Variants in NRG3 observed in about 807,000 individuals in gnomAD.
NRG3 encodes pro-neuregulin-3, membrane-bound isoform.
Under a neutral mutation model 66.9 loss-of-function variants are expected in NRG3, and 31 were observed. The ratio of observed to expected loss-of-function variants is 0.46; its 90% CI spans 0.35 to 0.63. The LOEUF (loss-of-function observed/expected upper bound fraction) is 0.63, where lower values mean the gene tolerates loss of function less well. NRG3 is among the 20% of genes least tolerant of loss of function. NRG3 has a pLI of 0.00. For synonymous variants in NRG3, 393 were observed against 359.4 expected, an observed-to-expected ratio of 1.09 and a Z score of -1.06; for missense variants, 910 against 878.9, an observed-to-expected ratio of 1.04 and a Z score of -0.45.
intron 3 of NRG3, among the ~76,000 whole-genome samples, chr10:82,745,299 A>G (rs573592276): frequency 7.9e-5 from 12 of 152,290 alleles, no homozygotes; most frequent in African/African-American, 2.9e-4. Flanking sequence ...GAGGGTTGCA[A>G]CTTGGTCCTG....
intron 1 of NRG3, among the ~76,000 whole-genome samples, chr10:82,294,940 A>C (rs2079972452): frequency 6.6e-6 from 1 of 152,182 alleles, no homozygotes; most frequent in South Asian, 2.1e-4. Flanking sequence ...GCCCTGCATT[A>C]CTAAGAGCAA....
At chr10:82,347,533 T>G (rs1262896893) in intron 1 of NRG3, among the ~76,000 whole-genome samples, 1 of 150,504 alleles carries the variant, frequency 6.6e-6, no homozygotes, top group Non-Finnish European at 1.5e-5. Context: ...CTGAAAAAAA[T>G]GTATATTCTG....
intron 2 of NRG3, among the ~76,000 whole-genome samples, chr10:82,424,793 T>A (rs1337019033): frequency 6.6e-6 from 1 of 152,050 alleles, no homozygotes; most frequent in Non-Finnish European, 1.5e-5. Context: ...AGGTCTATGA[T>A]CTATTTTGAG....
At chr10:82,267,403 G>T (rs2078354971) in intron 1 of NRG3, among the ~76,000 whole-genome samples, 1 of 152,194 alleles carries the variant, frequency 6.6e-6, no homozygotes, top group South Asian at 2.1e-4. Context: ...TTCACACATG[G>T]ATGTGTGATC....
chr10:82,182,166 C>A (rs947777574), intron 1 of NRG3, among the ~76,000 whole-genome samples: 2 of 150,768 alleles, frequency 1.3e-5, no homozygotes, highest in Admixed American at 6.7e-5. Context: ...CTTTTGTAGG[C>A]AGCAGATAAT....
chr10:81,875,699 C>T lies in NRG3; in HGVS notation c.359C>T (p.Ser120Phe), dbSNP rs776495833. The change falls in exon 1 of 9, where the codon TCT (serine) becomes TTT (phenylalanine). Residue 120 changes from serine (S) to phenylalanine (F), a missense_variant. Ser to Phe is a radical substitution (Grantham distance 155). Coordinates refer to ENST00000372141, the MANE Select transcript of NRG3 (RefSeq NM_001010848.4). The surrounding 1 kb of genome is among the most constrained non-coding windows in gnomAD (Gnocchi z 5.3). The part of the protein sequence containing the change: ...QDPFFLSKPS[S>F]FPKAMETTTT... Reference sequence around the variant, plus strand: ...CCCTTCTTCCTCTCCAAGCCCAGCTCTTTCCCCAAGGCCATGGAGACCACC... The same window carrying T: ...CCCTTCTTCCTCTCCAAGCCCAGCTTTTTCCCCAAGGCCATGGAGACCACC... 1 of 1,613,906 alleles carries T rather than the reference C, an allele frequency of 6.2e-7. No individual in the cohort carries two copies. The highest frequency in any genetic ancestry group is 1.1e-5 in the South Asian group (1 of 91,084).
intron 3 of NRG3, among the ~76,000 whole-genome samples, chr10:82,856,598 A>C (rs2135881228): frequency 6.6e-6 from 1 of 152,014 alleles, no homozygotes; most frequent in South Asian, 2.1e-4. Context: ...TACAAAAATT[A>C]GCTGGGCATG....
intron 1 of NRG3, among the ~76,000 whole-genome samples, chr10:82,349,128 G>A (rs1411830237): frequency 2.0e-5 from 3 of 152,162 alleles, no homozygotes; most frequent in Admixed American, 2.0e-4. Context: ...TCCTTTGGAG[G>A]AGGAGAGGCG....
intron 2 of NRG3, among the ~76,000 whole-genome samples, chr10:82,410,593 G>A (rs1373929028): frequency 6.6e-6 from 1 of 151,568 alleles, no homozygotes; most frequent in East Asian, 1.9e-4. Context: ...GGGATTTGGG[G>A]GAGAAGAGTG....
chr10:82,979,568 T>C (rs1240746122), intron 8 of NRG3, among the ~76,000 whole-genome samples: 1 of 151,422 alleles, frequency 6.6e-6, no homozygotes, highest in Non-Finnish European at 1.5e-5. Flanking sequence ...AATGTAGAAT[T>C]TGGGTCAATG....
rs547587787 is a variant in NRG3 at position 81,976,785 on chromosome 10, A to G, written c.823+100622A>G. Among the ~76,000 whole-genome samples the G allele has an allele frequency of 2.2e-4, 33 of 152,272 alleles. No homozygotes were observed. The South Asian group carries it at 6.2e-3, about 29-fold the overall frequency. On this transcript the variant is annotated intron_variant, in intron 1 of 8. Coordinates refer to ENST00000372141, the MANE Select transcript of NRG3 (RefSeq NM_001010848.4). Reference sequence around the variant, plus strand: ...CTTTCTTGGATGTGAGCTAATTTCTATTGGACATTAAATTCTATAGGAAGG... The same window carrying G: ...CTTTCTTGGATGTGAGCTAATTTCTGTTGGACATTAAATTCTATAGGAAGG...
intron 1 of NRG3, among the ~76,000 whole-genome samples, chr10:81,941,727 G>A (rs1354313162): frequency 6.6e-6 from 1 of 152,070 alleles, no homozygotes; most frequent in Admixed American, 6.6e-5. Flanking sequence ...CGCAGTTCTG[G>A]GGCATTCTGG....
intron 2 of NRG3, among the ~76,000 whole-genome samples, chr10:82,454,041 G>A (rs1422081021): frequency 6.6e-6 from 1 of 152,160 alleles, no homozygotes; most frequent in Non-Finnish European, 1.5e-5. Flanking sequence ...TCTGGGCATG[G>A]CATTGTGCCT....
intron 4 of NRG3, among the ~76,000 whole-genome samples, chr10:82,881,863 C>T (rs760870277): frequency 6.6e-6 from 1 of 152,180 alleles, no homozygotes; most frequent in Non-Finnish European, 1.5e-5. Context: ...TAATGTGCTA[C>T]ACTGTGTTTT....
At chr10:82,383,340 G>A (rs755270212) in intron 2 of NRG3, among the ~76,000 whole-genome samples, 6 of 151,656 alleles carry the variant, frequency 4.0e-5, no homozygotes, top group Non-Finnish European at 7.4e-5. Flanking sequence ...AGTGCATTTA[G>A]TAGGCTGTTG....
intron 1 of NRG3, among the ~76,000 whole-genome samples, chr10:82,138,378 A>C (rs370483491): frequency 6.6e-6 from 1 of 152,154 alleles, no homozygotes; most frequent in Non-Finnish European, 1.5e-5. Flanking sequence ...TTGGCTTACT[A>C]TATTGGCCCA....
chr10:82,549,306 T>C (rs73309882), intron 2 of NRG3, among the ~76,000 whole-genome samples: 52 of 152,350 alleles, frequency 3.4e-4, no homozygotes, highest in African/African-American at 1.2e-3. Flanking sequence ...AATTTATGAC[T>C]GAATTCAATG....
At chr10:82,511,402 TTC>T (rs1269592381) in intron 2 of NRG3, among the ~76,000 whole-genome samples, 1 of 152,192 alleles carries the variant, frequency 6.6e-6, no homozygotes. Flanking sequence ...TGCCTACGTA[TTC>T]TCTGTATGAT....
chr10:82,723,811 CT>C (rs1301562084), intron 2 of NRG3, among the ~76,000 whole-genome samples: 7 of 151,868 alleles, frequency 4.6e-5, no homozygotes, highest in Non-Finnish European at 8.8e-5. Flanking sequence ...GAAACCCCAT[CT>C]CTACCAAAAA....
Sources: allele counts gnomAD v4.1 joint callset (sites outside exome capture counted in the v4.1 genomes callset), GRCh38; gene constraint gnomAD v4.1.1; non-coding constraint Gnocchi (gnomAD v3.1); transcripts MANE v1.5; gene names NCBI Gene and HGNC (gene_info 2026-07-23, HGNC 2026-07-21).